Variants in GRIA1 observed in about 807,000 individuals in gnomAD.
GRIA1 encodes glutamate ionotropic receptor AMPA type subunit 1.
A neutral mutation model predicts 99.2 loss-of-function variants in GRIA1; 31 were observed. The ratio of observed to expected loss-of-function variants is 0.31; its 90% CI spans 0.23 to 0.42. GRIA1 has a LOEUF of 0.42. Ranked by LOEUF, GRIA1 falls within the 10% of genes least tolerant of loss-of-function variation. The pLI is 1.00. For synonymous variants in GRIA1, 438 were observed against 432.4 expected (o/e 1.01, Z -0.16); for missense variants, 782 against 1,157.5 (o/e 0.68, Z 4.71).
intron 2 of GRIA1, among the ~76,000 whole-genome samples, chr5:153,578,981 T>C (rs1762812853): frequency 6.6e-6 from 1 of 151,418 alleles, no homozygotes; most frequent in African/African-American, 2.4e-5. Context: ...TTTTCTCTCC[T>C]GAAAACAAGG....
At chr5:153,746,711 G>A (rs1346798394) in intron 11 of GRIA1, among the ~76,000 whole-genome samples, 2 of 152,190 alleles carry the variant, frequency 1.3e-5, no homozygotes, top group Non-Finnish European at 2.9e-5. Flanking sequence ...GGTATTATGG[G>A]CCGTCCGGCA....
At chr5:153,679,690 A>C (rs542947985) in intron 7 of GRIA1, among the ~76,000 whole-genome samples, 1 of 152,304 alleles carries the variant, frequency 6.6e-6, no homozygotes, top group Non-Finnish European at 1.5e-5. Context: ...GAGCTGGGTA[A>C]ATCCTGATGG....
At chr5:153,649,838 CA>C (rs1221737514) in intron 3 of GRIA1, among the ~76,000 whole-genome samples, 2 of 152,180 alleles carry the variant, frequency 1.3e-5, no homozygotes, top group African/African-American at 4.8e-5. Flanking sequence ...TGAACATTCA[CA>C]AATTTGATCA....
At chr5:153,745,005 C>T (rs1239154960) in intron 11 of GRIA1, among the ~76,000 whole-genome samples, 4 of 152,132 alleles carry the variant, frequency 2.6e-5, no homozygotes, top group Non-Finnish European at 4.4e-5. Context: ...ACCCTAGCTT[C>T]GGAGGCAATA....
intron 8 of GRIA1, among the ~76,000 whole-genome samples, chr5:153,692,485 C>T (rs927228899): frequency 6.6e-6 from 1 of 152,122 alleles, no homozygotes; most frequent in South Asian, 2.1e-4. Flanking sequence ...AATTTCAGTG[C>T]CCATAAAGTT....
chr5:153,516,695 G>T (rs900839609), intron 2 of GRIA1, among the ~76,000 whole-genome samples: 1 of 152,042 alleles, frequency 6.6e-6, no homozygotes, highest in Non-Finnish European at 1.5e-5. Context: ...GCTGCGTCCA[G>T]ATCTCCCTTC....
At chr5:153,542,870 C>T (rs190483928) in intron 2 of GRIA1, among the ~76,000 whole-genome samples, 17 of 152,140 alleles carry the variant, frequency 1.1e-4, no homozygotes, top group South Asian at 6.2e-4. Context: ...TAAACACTTT[C>T]GTCTCTCACT....
intron 6 of GRIA1, among the ~76,000 whole-genome samples, chr5:153,675,515 A>C (rs7714428): frequency 0.71 from 108,665 of 152,144 alleles, 39,273 homozygotes; most frequent in East Asian, 0.96. Flanking sequence ...AACCAGATAG[A>C]TTGACAGTGG....
intron 11 of GRIA1, among the ~76,000 whole-genome samples, chr5:153,762,925 G>A (rs937278363): frequency 1.3e-5 from 2 of 152,134 alleles, no homozygotes; most frequent in African/African-American, 4.8e-5. Flanking sequence ...CAAGCCTCAT[G>A]CCAACTCTTC....
At chr5:153,510,551 A>C (rs73284011) in intron 2 of GRIA1, among the ~76,000 whole-genome samples, 1 of 152,166 alleles carries the variant, frequency 6.6e-6, no homozygotes, top group South Asian at 2.1e-4. Flanking sequence ...AAAAGTTAAC[A>C]TGATGAGTTT....
chr5:153,507,332 G>A (rs1007282385), intron 2 of GRIA1, among the ~76,000 whole-genome samples: 3 of 151,946 alleles, frequency 2.0e-5, no homozygotes, highest in Admixed American at 2.0e-4. Flanking sequence ...CAAGAATGAA[G>A]CTTTCTGGGG....
chr5:153,525,862 G>T (rs1356701520), intron 2 of GRIA1, among the ~76,000 whole-genome samples: 1 of 152,140 alleles, frequency 6.6e-6, no homozygotes, highest in Non-Finnish European at 1.5e-5. Flanking sequence ...CAGTAAGTTG[G>T]AGAGTCTCTG....
At chr5:153,733,789 G>A (rs557959332) in intron 11 of GRIA1, among the ~76,000 whole-genome samples, 2 of 152,216 alleles carry the variant, frequency 1.3e-5, no homozygotes, top group South Asian at 4.2e-4. Context: ...AATGATGAAA[G>A]GGTACATTGA....
At chr5:153,716,334 A>T (rs1355941288) in intron 11 of GRIA1, among the ~76,000 whole-genome samples, 1 of 152,200 alleles carries the variant, frequency 6.6e-6, no homozygotes, top group African/African-American at 2.4e-5. Context: ...TTTATCCTTG[A>T]CACACAGCTG....
At chr5:153,579,687 G>A (rs1029711681) in intron 2 of GRIA1, among the ~76,000 whole-genome samples, 2 of 152,038 alleles carry the variant, frequency 1.3e-5, no homozygotes, top group Non-Finnish European at 2.9e-5. Flanking sequence ...TTTTAATTTA[G>A]CTCACACTCA....
intron 2 of GRIA1, among the ~76,000 whole-genome samples, chr5:153,554,597 G>A (rs1272157527): frequency 6.6e-6 from 1 of 152,132 alleles, no homozygotes; most frequent in Non-Finnish European, 1.5e-5. Context: ...AGGTTCAAGC[G>A]ATTCTCCTGC....
rs1369233511 is a variant in GRIA1, at chr5:153,686,341, C to A, written c.1134+12C>A. On this transcript the variant is annotated intron_variant, in intron 8 of 15. Coordinates refer to ENST00000285900, the MANE Select transcript of GRIA1 (RefSeq NM_000827.4). ...ACGGCATCCGAAAGGTAAGGTCCCC[C>A]TTTACTTCTGTTCTGCAGAGAGAAG... 6.3e-7 allele frequency: 1 copy of A among 1,595,828 alleles called. No individual in the cohort carries two copies. The highest frequency in any genetic ancestry group is 8.6e-7 in the Non-Finnish European group (1 of 1,163,508).
chr5:153,777,878 C>T (rs1764365032), intron 13 of GRIA1, among the ~76,000 whole-genome samples: 1 of 152,164 alleles, frequency 6.6e-6, no homozygotes, highest in Non-Finnish European at 1.5e-5. Context: ...CTGATAAATA[C>T]AGTATGTCCC....
At chr5:153,542,730 T>C (rs1268065928) in intron 2 of GRIA1, among the ~76,000 whole-genome samples, 1 of 152,228 alleles carries the variant, frequency 6.6e-6, no homozygotes, top group Non-Finnish European at 1.5e-5. Context: ...CTATGATTCA[T>C]CTCATGGTAC....
Sources: gnomAD v4.1 joint callset for allele counts (sites outside exome capture counted in the v4.1 genomes callset) on GRCh38, gnomAD v4.1.1 for gene constraint, MANE v1.5 for transcripts, NCBI Gene and HGNC (gene_info 2026-07-23, HGNC 2026-07-21) for gene names.